PRKG1: variants seen among roughly 807,000 people sequenced by gnomAD.
PRKG1 encodes cGMP-dependent protein kinase 1.
A neutral mutation model predicts 88.1 loss-of-function variants in PRKG1; 35 were observed. That is an observed-to-expected ratio of 0.40 (90% confidence interval 0.30 to 0.53). The LOEUF is 0.53. Among genes scored for constraint, PRKG1 ranks in the 20% least tolerant of loss-of-function variants. The probability of loss-of-function intolerance (pLI) is 0.59; values close to 1 mark genes in which losing one functional copy is unlikely to be tolerated. For synonymous variants in PRKG1, 303 were observed against 292.5 expected (o/e 1.04, Z -0.37); for missense variants, 540 against 839.8 (o/e 0.64, Z 4.41).
chr10:51,512,005 G>A (rs894067139), intron 3 of PRKG1, among the ~76,000 whole-genome samples: 46 of 151,984 alleles, frequency 3.0e-4, no homozygotes, highest in African/African-American at 1.1e-3. Context: ...TAGATATTGA[G>A]CAAAACTGTC....
At chr10:51,775,828 C>A (rs1385764123) in intron 3 of PRKG1, among the ~76,000 whole-genome samples, 1 of 152,154 alleles carries the variant, frequency 6.6e-6, no homozygotes, top group Non-Finnish European at 1.5e-5. Context: ...AAGAGATTTG[C>A]CAGCCTAGGC....
At chr10:51,799,647 C>T (rs1839114466) in intron 3 of PRKG1, among the ~76,000 whole-genome samples, 1 of 151,884 alleles carries the variant, frequency 6.6e-6, no homozygotes, top group South Asian at 2.1e-4. Flanking sequence ...TCAGGGAACT[C>T]AGGGAAATGG....
At chr10:51,678,203 C>T (rs1036741488) in intron 3 of PRKG1, among the ~76,000 whole-genome samples, 1 of 152,132 alleles carries the variant, frequency 6.6e-6, no homozygotes, top group African/African-American at 2.4e-5. Flanking sequence ...GCTAGCTCCA[C>T]AAGCTATTCT....
intron 5 of PRKG1, among the ~76,000 whole-genome samples, chr10:52,015,471 C>G (rs1310806613): frequency 6.6e-6 from 1 of 152,234 alleles, no homozygotes; most frequent in East Asian, 1.9e-4. Flanking sequence ...CCATCTAGAT[C>G]TCCAGACCTG....
chr10:52,264,102 G>T (rs1841505227), intron 10 of PRKG1, among the ~76,000 whole-genome samples: 1 of 150,740 alleles, frequency 6.6e-6, no homozygotes, highest in Admixed American at 6.7e-5. Flanking sequence ...ATACTCCACT[G>T]CTGCAGAACA....
At chr10:52,077,594 T>C (rs1846662939) in intron 7 of PRKG1, among the ~76,000 whole-genome samples, 1 of 152,214 alleles carries the variant, frequency 6.6e-6, no homozygotes, top group Non-Finnish European at 1.5e-5. Flanking sequence ...GTGCAGCTTA[T>C]TTAATGTCAA....
chr10:51,388,993 A>C (rs626431), intron 2 of PRKG1, among the ~76,000 whole-genome samples: 126,228 of 152,170 alleles, frequency 0.83, 52,819 homozygotes, highest in African/African-American at 0.87. Context: ...GTATTAATAC[A>C]AAAATAGGTT....
At chr10:52,106,944 A>T in intron 7 of PRKG1, among the ~76,000 whole-genome samples, 1 of 152,166 alleles carries the variant, frequency 6.6e-6, no homozygotes, top group East Asian at 1.9e-4. Context: ...GTAACAAAAT[A>T]CTTGCACAGC....
At chr10:51,086,821 C>T (rs1020411813) in intron 1 of PRKG1, among the ~76,000 whole-genome samples, 2 of 152,146 alleles carry the variant, frequency 1.3e-5, no homozygotes, top group Non-Finnish European at 2.9e-5. Flanking sequence ...TCTTTTGGTG[C>T]AGTCACTGAA....
chr10:52,141,090 T>C (rs1283537761), intron 8 of PRKG1, among the ~76,000 whole-genome samples: 1 of 152,152 alleles, frequency 6.6e-6, no homozygotes, highest in Non-Finnish European at 1.5e-5. Context: ...TTTAGAATGG[T>C]GTCAGCTGCA....
At chr10:51,907,745 T>A in intron 5 of PRKG1, 175 bp downstream of exon 5, 1 of 501,116 alleles carries the variant, frequency 2.0e-6, no homozygotes, top group Non-Finnish European at 3.5e-6. Flanking sequence ...ATGTCTGACA[T>A]TTATATGCAG....
intron 2 of PRKG1, among the ~76,000 whole-genome samples, chr10:51,271,221 G>A (rs74514049): frequency 0.026 from 3,929 of 151,732 alleles, 138 homozygotes; most frequent in African/African-American, 0.084. Flanking sequence ...AAAAAAGTTC[G>A]CTTATTGGCT....
chr10:51,392,269 G>T (rs1837423956), intron 2 of PRKG1, among the ~76,000 whole-genome samples: 1 of 151,982 alleles, frequency 6.6e-6, no homozygotes, highest in Non-Finnish European at 1.5e-5. Flanking sequence ...CTAGGCAGAG[G>T]ACCCTGCGGC....
intron 7 of PRKG1, among the ~76,000 whole-genome samples, chr10:52,079,633 A>G (rs1004737127): frequency 7.9e-5 from 12 of 152,102 alleles, no homozygotes; most frequent in Non-Finnish European, 1.8e-4. Context: ...TGGGAGAAGC[A>G]AGTGGACCAT....
chr10:51,389,128 G>A (rs903704861), intron 2 of PRKG1, among the ~76,000 whole-genome samples: 3 of 152,126 alleles, frequency 2.0e-5, no homozygotes, highest in Non-Finnish European at 4.4e-5. Flanking sequence ...GATGTAGTTT[G>A]GAAACAAGAG....
At position 50,991,310 on chromosome 10, in the gene PRKG1, A is replaced by ACCC; in HGVS notation, c.-69_-68insCCC. On this transcript the variant is annotated 5_prime_UTR_variant, in exon 1 of 18. Coordinates refer to the PRKG1 transcript ENST00000401604. The surrounding 1 kb of genome is among the most constrained non-coding windows in gnomAD (Gnocchi z 4.5). ...GCTCTCCGCTGCCGGCTGCCGTCCC[A>ACCC]GCCGCCGCCGCCGCCGCCGCCGCCG... 7.2e-7 allele frequency: 1 copy of ACCC among 1,396,524 alleles called. No individual in the cohort carries two copies. Among genetic ancestry groups the ACCC allele is most frequent in the Non-Finnish European group, 9.5e-7 (1 of 1,056,666 alleles). The allele number at this position is 1,396,524 out of a possible 1,614,324, so 86.5% of individuals were successfully genotyped here.
At chr10:51,934,015 G>T (rs748578714) in intron 5 of PRKG1, among the ~76,000 whole-genome samples, 2 of 152,028 alleles carry the variant, frequency 1.3e-5, no homozygotes, top group African/African-American at 2.4e-5. Flanking sequence ...TTATTTATGT[G>T]TATAAATACA....
rs75335871 is a variant in PRKG1, at chr10:51,266,236, A to T, written c.478+112906A>T. ...GAGTTTTGTTTAATAGGCAGTGGGGAGCCATTAAAGGCTGGTGATCAAGGT... is the reference window on the plus strand; with the variant it reads ...GAGTTTTGTTTAATAGGCAGTGGGGTGCCATTAAAGGCTGGTGATCAAGGT... On this transcript the variant is annotated intron_variant, in intron 2 of 17. Transcript: ENST00000373980. Among the ~76,000 whole-genome samples the T allele has an allele frequency of 4.2e-3, 637 of 152,222 alleles. 6 individuals carry two copies. The highest frequency in any genetic ancestry group is 0.015 in the African/African-American group (619 of 41,542).
At chr10:51,136,333 T>C (rs1246644828) in intron 1 of PRKG1, among the ~76,000 whole-genome samples, 4 of 151,950 alleles carry the variant, frequency 2.6e-5, no homozygotes, top group Non-Finnish European at 5.9e-5. Context: ...CAGGTACCTA[T>C]GTAGGCAAGA....
Sources: gnomAD v4.1 joint callset for allele counts (sites outside exome capture counted in the v4.1 genomes callset) on GRCh38, gnomAD v4.1.1 for gene constraint, Gnocchi (gnomAD v3.1) non-coding constraint, MANE v1.5 for transcripts, NCBI Gene and HGNC (gene_info 2026-07-23, HGNC 2026-07-21) for gene names.